SGCZ: variants seen among roughly 807,000 people sequenced by gnomAD.
SGCZ encodes the protein zeta-sarcoglycan.
A neutral mutation model predicts 41.3 loss-of-function variants in SGCZ; 40 were observed. The observed-to-expected ratio is 0.97, with a 90% CI of 0.75 to 1.26. SGCZ has a LOEUF of 1.26. Among genes scored for constraint, SGCZ ranks in the 50% most tolerant of loss-of-function variants. The pLI, the probability that SGCZ is intolerant of heterozygous loss-of-function variation, is 0.00. For synonymous variants in SGCZ, 206 were observed against 137.5 expected, an observed-to-expected ratio of 1.50 and a Z score of -3.49; for missense variants, 552 against 369.8, an observed-to-expected ratio of 1.49 and a Z score of -4.04.
At chr8:14,637,699 C>T (rs1359737759) in intron 1 of SGCZ, among the ~76,000 whole-genome samples, 1 of 151,856 alleles carries the variant, frequency 6.6e-6, no homozygotes, top group African/African-American at 2.4e-5. Context: ...ACATATACCA[C>T]ATTTTCTTTA....
At chr8:14,603,214 T>A (rs1179032558) in intron 1 of SGCZ, among the ~76,000 whole-genome samples, 1 of 152,176 alleles carries the variant, frequency 6.6e-6, no homozygotes, top group Non-Finnish European at 1.5e-5. Flanking sequence ...TTTTTTGATC[T>A]AGAAAAAGGC....
intron 1 of SGCZ, among the ~76,000 whole-genome samples, chr8:15,114,740 C>G (rs1397145789): frequency 6.6e-6 from 1 of 151,000 alleles, no homozygotes; most frequent in East Asian, 1.9e-4. Flanking sequence ...AATCGAGATA[C>G]AAGCGTTTTC....
At chr8:15,226,175 G>A (rs185101155) in intron 1 of SGCZ, among the ~76,000 whole-genome samples, 12 of 151,820 alleles carry the variant, frequency 7.9e-5, no homozygotes, top group Admixed American at 5.2e-4. Context: ...GAAATCCTTC[G>A]GACCTACCTA....
At chr8:14,671,709 C>T (rs779602572) in intron 1 of SGCZ, among the ~76,000 whole-genome samples, 14 of 152,062 alleles carry the variant, frequency 9.2e-5, no homozygotes, top group Admixed American at 2.6e-4. Context: ...AGCCAAATTA[C>T]TTATAATAAA....
intron 2 of SGCZ, among the ~76,000 whole-genome samples, chr8:14,448,025 G>T (rs552951351): frequency 3.9e-5 from 6 of 152,004 alleles, no homozygotes; most frequent in African/African-American, 7.3e-5. Context: ...GTCTGAAATC[G>T]GGGTGAAAAA....
rs753272896 is a variant in SGCZ, at chr8:14,108,656, T to C, written c.548-421A>G. 3.3e-5 allele frequency among the ~76,000 whole-genome samples: 5 copies of C among 151,972 alleles called. 1 individual carries two copies. Among genetic ancestry groups the C allele is most frequent in the Non-Finnish European group, 5.9e-5 (4 of 68,008 alleles). ...TCCCTCCCACAACACGTGGGCATTA[T>C]AGGAGTACAATTCTAGATGAGATTT... On this transcript the variant is annotated intron_variant, in intron 5 of 7. Coordinates refer to ENST00000382080, the MANE Select transcript of SGCZ (RefSeq NM_139167.4).
chr8:14,537,109 A>G (rs1803319936), intron 2 of SGCZ, among the ~76,000 whole-genome samples: 2 of 151,912 alleles, frequency 1.3e-5, no homozygotes, highest in South Asian at 2.1e-4. Flanking sequence ...ACCCAGCAGT[A>G]TTCACTATCC....
At chr8:14,990,190 G>A (rs1801960906) in intron 1 of SGCZ, among the ~76,000 whole-genome samples, 1 of 152,050 alleles carries the variant, frequency 6.6e-6, no homozygotes, top group East Asian at 1.9e-4. Flanking sequence ...CAAAATCAAA[G>A]CCTCGTGCTT....
chr8:14,141,172 C>G lies in SGCZ; in HGVS notation c.547+23408G>C, dbSNP rs553125490. Among the ~76,000 whole-genome samples, 209 of 152,266 alleles carry G rather than the reference C, an allele frequency of 1.4e-3. 1 individual carries two copies. Among genetic ancestry groups the G allele is most frequent in the African/African-American group, 4.9e-3 (203 of 41,546 alleles). ...GTTACACCTTGTACAAAAATTAATT[C>G]AAGATGGATTAAAGATTCAAATGTT... On this transcript the variant is annotated intron_variant, in intron 5 of 7. Transcript: ENST00000382080.
intron 1 of SGCZ, among the ~76,000 whole-genome samples, chr8:15,228,664 A>G (rs919817866): frequency 3.3e-5 from 5 of 152,244 alleles, no homozygotes; most frequent in African/African-American, 1.2e-4. Flanking sequence ...TACAAAGGCC[A>G]AATTTGAGAG....
At chr8:14,594,703 G>C (rs62494812) in intron 1 of SGCZ, among the ~76,000 whole-genome samples, 4,347 of 151,972 alleles carry the variant, frequency 0.029, 93 homozygotes, top group Non-Finnish European at 0.045. Context: ...AATAAAATAT[G>C]AATAACTGTC....
intron 1 of SGCZ, among the ~76,000 whole-genome samples, chr8:14,679,766 A>C (rs1808384698): frequency 1.3e-5 from 2 of 152,062 alleles, no homozygotes; most frequent in Non-Finnish European, 2.9e-5. Flanking sequence ...ATCCCTTTAT[A>C]TTCACTAGCC....
intron 2 of SGCZ, among the ~76,000 whole-genome samples, chr8:14,449,790 T>C (rs979462737): frequency 1.3e-5 from 2 of 152,150 alleles, no homozygotes; most frequent in African/African-American, 4.8e-5. Context: ...ACCTCTACTC[T>C]TTTGGCTTTG....
At position 14,972,216 on chromosome 8, in the gene SGCZ, AC is replaced by A. The variant is rs564404473; in HGVS notation, c.39+265368del. ...TAATTTAAAATATGGGCATACATTT[AC>A]CCATAATATTCCCTTATTATCCTTT... On this transcript the variant is annotated intron_variant, in intron 1 of 7. Transcript: ENST00000382080. 7.2e-5 allele frequency among the ~76,000 whole-genome samples: 11 copies of A among 152,280 alleles called. No homozygotes were observed. In the East Asian group the frequency reaches 2.1e-3, roughly 29 times the overall value.
chr8:14,245,463 TA>T (rs1563209078), intron 3 of SGCZ, among the ~76,000 whole-genome samples: 2 of 152,160 alleles, frequency 1.3e-5, no homozygotes, highest in African/African-American at 4.8e-5. Context: ...ATTAAAGACT[TA>T]AACGTTAGAT....
At chr8:14,914,230 G>A (rs183624112) in intron 1 of SGCZ, among the ~76,000 whole-genome samples, 4 of 140,484 alleles carry the variant, frequency 2.8e-5, no homozygotes, top group Non-Finnish European at 4.5e-5. Flanking sequence ...ATATGTATGC[G>A]TATATATATA....
chr8:14,598,391 C>G (rs1230292078), intron 1 of SGCZ, among the ~76,000 whole-genome samples: 3 of 151,754 alleles, frequency 2.0e-5, no homozygotes, highest in African/African-American at 7.3e-5. Context: ...TCCTAATTGC[C>G]GGTTCCCTTC....
intron 2 of SGCZ, among the ~76,000 whole-genome samples, chr8:14,528,667 T>C (rs1803026348): frequency 1.3e-5 from 2 of 151,920 alleles, no homozygotes; most frequent in Admixed American, 6.6e-5. Context: ...TAATCACTTA[T>C]ATGAGAAAAC....
At chr8:14,333,911 C>T (rs548182449) in intron 2 of SGCZ, among the ~76,000 whole-genome samples, 1 of 152,170 alleles carries the variant, frequency 6.6e-6, no homozygotes, top group Non-Finnish European at 1.5e-5. Context: ...TTTAGGAAGT[C>T]TATGTAAAGA....
Sources: allele counts gnomAD v4.1 joint callset (sites outside exome capture counted in the v4.1 genomes callset), GRCh38; gene constraint gnomAD v4.1.1; transcripts MANE v1.5; gene names NCBI Gene and HGNC (gene_info 2026-07-23, HGNC 2026-07-21).